NALF1: variants seen among roughly 807,000 people sequenced by gnomAD.
The protein encoded by NALF1 is NALCN channel auxiliary factor 1.
NALF1 carries 3 observed loss-of-function variants against 48.4 expected under a neutral mutation model. The ratio of observed to expected loss-of-function variants is 0.06; its 90% CI spans 0.03 to 0.16. The LOEUF (loss-of-function observed/expected upper bound fraction) is 0.16, where lower values mean the gene tolerates loss of function less well. NALF1 is among the 10% of genes least tolerant of loss of function. The pLI, the probability that NALF1 is intolerant of heterozygous loss-of-function variation, is 1.00. For missense variants in NALF1, 526 were observed against 571.5 expected (o/e 0.92, Z 0.81); for synonymous variants, 262 against 245.7 (o/e 1.07, Z -0.62).
chr13:107,822,314 A>ATTTTT (rs5806697), intron 1 of NALF1, among the ~76,000 whole-genome samples: 13 of 146,750 alleles, frequency 8.9e-5, no homozygotes, highest in Admixed American at 6.1e-4. Flanking sequence ...ATGCAAAAGT[A>ATTTTT]TTTTTTTTTT....
chr13:107,835,959 C>G (rs1879876145), intron 1 of NALF1, among the ~76,000 whole-genome samples: 1 of 152,054 alleles, frequency 6.6e-6, no homozygotes, highest in Non-Finnish European at 1.5e-5. Context: ...GCAGAAGCAG[C>G]ACAGAGCCGG....
chr13:107,610,327 A>G (rs1879192705), intron 1 of NALF1, among the ~76,000 whole-genome samples: 1 of 152,228 alleles, frequency 6.6e-6, no homozygotes, highest in South Asian at 2.1e-4. Flanking sequence ...TACCCATTAC[A>G]CCAAAATTTA....
At chr13:107,271,652 G>A (rs1041577585) in intron 1 of NALF1, among the ~76,000 whole-genome samples, 5 of 151,666 alleles carry the variant, frequency 3.3e-5, no homozygotes, top group African/African-American at 1.2e-4. Context: ...TTAGTCAGCA[G>A]TTGAAAATGA....
intron 1 of NALF1, among the ~76,000 whole-genome samples, chr13:107,291,911 C>T (rs1038942635): frequency 1.3e-5 from 2 of 152,132 alleles, no homozygotes; most frequent in Non-Finnish European, 2.9e-5. Flanking sequence ...AGTCATAAAA[C>T]ATTTAGCTTC....
At chr13:107,435,315 T>TA (rs1450033651) in intron 1 of NALF1, among the ~76,000 whole-genome samples, 1 of 144,278 alleles carries the variant, frequency 6.9e-6, no homozygotes, top group Non-Finnish European at 1.6e-5. Flanking sequence ...AATAGCATCT[T>TA]AGAGGTTGAT....
chr13:107,591,702 G>A (rs1878606152), intron 1 of NALF1, among the ~76,000 whole-genome samples: 1 of 151,892 alleles, frequency 6.6e-6, no homozygotes, highest in Non-Finnish European at 1.5e-5. Flanking sequence ...AAGAAACAAA[G>A]TATGAAAGAA....
chr13:107,757,840 A>G (rs1877155606), intron 1 of NALF1, among the ~76,000 whole-genome samples: 1 of 152,212 alleles, frequency 6.6e-6, no homozygotes, highest in South Asian at 2.1e-4. Context: ...AGATTTAAAT[A>G]ATTTGAAAAA....
intron 1 of NALF1, among the ~76,000 whole-genome samples, chr13:107,731,229 T>C (rs1026750321): frequency 7.2e-5 from 11 of 152,172 alleles, no homozygotes; most frequent in Admixed American, 2.0e-4. Flanking sequence ...AAGAGATGAT[T>C]AAAATGGTAT....
chr13:107,279,035 CTT>C (rs1322213642), intron 1 of NALF1, among the ~76,000 whole-genome samples: 11 of 124,200 alleles, frequency 8.9e-5, no homozygotes, highest in Admixed American at 2.8e-4. Flanking sequence ...CTTTTCTTTT[CTT>C]TTCTTCTTTT....
At chr13:107,201,844 A>G (rs1364054744) in intron 2 of NALF1, among the ~76,000 whole-genome samples, 2 of 152,162 alleles carry the variant, frequency 1.3e-5, no homozygotes, top group East Asian at 1.9e-4. Flanking sequence ...GTAATGACAT[A>G]TTCCGTAAAG....
At chr13:107,431,248 T>G (rs563727769) in intron 1 of NALF1, among the ~76,000 whole-genome samples, 2 of 152,166 alleles carry the variant, frequency 1.3e-5, no homozygotes, top group Non-Finnish European at 2.9e-5. Context: ...ATTCATTATC[T>G]TATTAAAAAA....
chr13:107,523,356 A>T (rs1307802188), intron 1 of NALF1, among the ~76,000 whole-genome samples: 1 of 152,122 alleles, frequency 6.6e-6, no homozygotes, highest in Non-Finnish European at 1.5e-5. Flanking sequence ...ACCACTGCAC[A>T]ATAAGAAATT....
chr13:107,681,178 C>T (rs1300608929), intron 1 of NALF1, among the ~76,000 whole-genome samples: 1 of 152,076 alleles, frequency 6.6e-6, no homozygotes, highest in African/African-American at 2.4e-5. Context: ...ATTCAAGAGA[C>T]GAGTGGCACT....
At chr13:107,717,715 G>C (rs1389938048) in intron 1 of NALF1, among the ~76,000 whole-genome samples, 2 of 152,008 alleles carry the variant, frequency 1.3e-5, no homozygotes, top group African/African-American at 4.8e-5. Context: ...GCCAGGAGTG[G>C]GGAAAGTAAG....
chr13:107,817,180 G>C (rs952046941), intron 1 of NALF1, among the ~76,000 whole-genome samples: 1 of 152,120 alleles, frequency 6.6e-6, no homozygotes, highest in Non-Finnish European at 1.5e-5. Context: ...TAAATAATGT[G>C]ATCCTCATTA....
At chr13:107,339,270 T>G (rs973745967) in intron 1 of NALF1, among the ~76,000 whole-genome samples, 2 of 152,140 alleles carry the variant, frequency 1.3e-5, no homozygotes, top group Admixed American at 6.5e-5. Flanking sequence ...GCTTTGAGAC[T>G]TATGTGTTGG....
intron 2 of NALF1, among the ~76,000 whole-genome samples, chr13:107,203,718 C>G (rs1264337465): frequency 6.6e-6 from 1 of 152,212 alleles, no homozygotes; most frequent in African/African-American, 2.4e-5. Context: ...ACAGACACTT[C>G]TCAGGGCTGA....
chr13:107,715,079 T>C (rs1056037744), intron 1 of NALF1, among the ~76,000 whole-genome samples: 1 of 152,230 alleles, frequency 6.6e-6, no homozygotes, highest in African/African-American at 2.4e-5. Context: ...AGCCATATCA[T>C]GTGTAGTAAT....
intron 1 of NALF1, among the ~76,000 whole-genome samples, chr13:107,554,743 A>C (rs1451158932): frequency 6.6e-6 from 1 of 152,136 alleles, no homozygotes; most frequent in East Asian, 1.9e-4. Context: ...TGCTACCCGC[A>C]GTTTTATGTT....
Sources: gnomAD v4.1 joint callset for allele counts (sites outside exome capture counted in the v4.1 genomes callset) on GRCh38, gnomAD v4.1.1 for gene constraint, MANE v1.5 for transcripts, NCBI Gene and HGNC (gene_info 2026-07-23, HGNC 2026-07-21) for gene names.